The following CNTN6 variants were observed in gnomAD, a reference collection of about 807,000 sequenced individuals.
CNTN6 encodes contactin-6.
A neutral mutation model predicts 122.8 loss-of-function variants in CNTN6; 137 were observed. The ratio of observed to expected loss-of-function variants is 1.12; its 90% CI spans 0.97 to 1.29. The LOEUF (loss-of-function observed/expected upper bound fraction) is 1.29, where lower values mean the gene tolerates loss of function less well. Among genes scored for constraint, CNTN6 ranks in the 50% most tolerant of loss-of-function variants. The pLI is 0.00. For missense variants in CNTN6, 1,634 were observed against 1,223.4 expected, an observed-to-expected ratio of 1.34 and a Z score of -5.01; for synonymous variants, 570 against 426.0, an observed-to-expected ratio of 1.34 and a Z score of -4.16.
chr3:1,246,240 G>A (rs760631597), intron 4 of CNTN6, among the ~76,000 whole-genome samples: 2 of 152,032 alleles, frequency 1.3e-5, no homozygotes, highest in Non-Finnish European at 2.9e-5. Flanking sequence ...GCCATATCTT[G>A]ACTTGTGAAT....
chr3:1,306,377 C>T (rs1285028084), intron 7 of CNTN6, among the ~76,000 whole-genome samples: 2 of 152,112 alleles, frequency 1.3e-5, no homozygotes, highest in Non-Finnish European at 2.9e-5. Flanking sequence ...GTTGACCATG[C>T]TCACAAATCT....
At chr3:1,315,291 G>A (rs191854484) in intron 7 of CNTN6, among the ~76,000 whole-genome samples, 7 of 152,020 alleles carry the variant, frequency 4.6e-5, no homozygotes, top group African/African-American at 1.4e-4. Flanking sequence ...GTATCAACAT[G>A]GACAAACTAC....
At chr3:1,375,241 A>C (rs1490248134) in intron 16 of CNTN6, among the ~76,000 whole-genome samples, 1 of 152,042 alleles carries the variant, frequency 6.6e-6, no homozygotes, top group African/African-American at 2.4e-5. Context: ...ATATTTTGGT[A>C]GCTTTGGACA....
intron 2 of CNTN6, among the ~76,000 whole-genome samples, chr3:1,216,004 A>G (rs2094125568): frequency 6.6e-6 from 1 of 152,114 alleles, no homozygotes; most frequent in Non-Finnish European, 1.5e-5. Context: ...TAGCCAGATT[A>G]TTATTGGAAG....
At chr3:1,260,318 C>T (rs554873802) in intron 4 of CNTN6, among the ~76,000 whole-genome samples, 1 of 152,036 alleles carries the variant, frequency 6.6e-6, no homozygotes, top group Non-Finnish European at 1.5e-5. Context: ...TTCAAAACAT[C>T]CAGAGGCTCC....
intron 5 of CNTN6, among the ~76,000 whole-genome samples, chr3:1,291,992 G>A (rs533417731): frequency 2.7e-4 from 41 of 152,050 alleles, no homozygotes; most frequent in African/African-American, 7.0e-4. Context: ...GAAACCATTC[G>A]TAGAAGCTTA....
At chr3:1,270,877 G>A (rs1402229094) in intron 4 of CNTN6, among the ~76,000 whole-genome samples, 1 of 150,838 alleles carries the variant, frequency 6.6e-6, no homozygotes, top group East Asian at 1.9e-4. Flanking sequence ...CACAATATTT[G>A]TTTCTTTACT....
chr3:1,217,948 C>A (rs1389080950), intron 2 of CNTN6, among the ~76,000 whole-genome samples: 2 of 152,196 alleles, frequency 1.3e-5, no homozygotes, highest in African/African-American at 4.8e-5. Flanking sequence ...GTACTAAGCT[C>A]TTCCTCATCC....
chr3:1,154,344 A>G (rs2092912622), intron 2 of CNTN6, among the ~76,000 whole-genome samples: 1 of 152,172 alleles, frequency 6.6e-6, no homozygotes, highest in African/African-American at 2.4e-5. Context: ...TATGGAAGTA[A>G]TAACACCAGG....
rs1351884518 is a variant in CNTN6 at position 1,382,941 on chromosome 3, G to C, written c.2167-1G>C. The C allele has an allele frequency of 3.1e-6, 5 of 1,610,506 alleles. No individual in the cohort carries two copies. The highest frequency in any genetic ancestry group is 8.5e-7 in the Non-Finnish European group (1 of 1,177,026). On this transcript the variant is annotated splice_acceptor_variant, in intron 17 of 22. Coordinates refer to ENST00000446702, the MANE Select transcript of CNTN6 (RefSeq NM_001289080.2). LOFTEE classifies it high-confidence loss of function. ...CAGTGATTGATCACATTCTGCCCAA[G>C]TCAATTCCAGAAGAACTGCAGAATG...
intron 4 of CNTN6, among the ~76,000 whole-genome samples, chr3:1,251,803 T>C (rs2125669591): frequency 6.6e-6 from 1 of 152,290 alleles, no homozygotes; most frequent in South Asian, 2.1e-4. Context: ...TAAATCATCC[T>C]CACATACCTC....
At chr3:1,362,559 G>A (rs1363934016) in intron 12 of CNTN6, among the ~76,000 whole-genome samples, 3 of 152,048 alleles carry the variant, frequency 2.0e-5, no homozygotes, top group Non-Finnish European at 4.4e-5. Context: ...ATAACAGAAA[G>A]AGGATTAGTA....
intron 2 of CNTN6, among the ~76,000 whole-genome samples, chr3:1,163,155 C>G (rs374652368): frequency 6.6e-6 from 1 of 152,266 alleles, no homozygotes; most frequent in South Asian, 2.1e-4. Flanking sequence ...ATGAGGACAA[C>G]GCAGCTTGTT....
At chr3:1,263,238 A>G (rs2094875809) in intron 4 of CNTN6, among the ~76,000 whole-genome samples, 1 of 152,194 alleles carries the variant, frequency 6.6e-6, no homozygotes, top group Non-Finnish European at 1.5e-5. Flanking sequence ...TATAAATCCA[A>G]GCACTTCATT....
chr3:1,119,135 G>A (rs576102709), intron 1 of CNTN6, among the ~76,000 whole-genome samples: 8 of 151,826 alleles, frequency 5.3e-5, no homozygotes, highest in Admixed American at 2.0e-4. Flanking sequence ...TTCTGTCTTC[G>A]AGACAATTTG....
At chr3:1,246,042 G>A (rs1427452453) in intron 4 of CNTN6, among the ~76,000 whole-genome samples, 1 of 152,086 alleles carries the variant, frequency 6.6e-6, no homozygotes, top group African/African-American at 2.4e-5. Context: ...CTTGTTTTAA[G>A]GTATTAATTT....
chr3:1,248,940 C>G (rs757199189), intron 4 of CNTN6, among the ~76,000 whole-genome samples: 1 of 152,110 alleles, frequency 6.6e-6, no homozygotes, highest in Middle Eastern at 3.2e-3. Flanking sequence ...AATCATTCAA[C>G]TAATGCTTGT....
chr3:1,230,287 G>T (rs574308954), intron 4 of CNTN6, among the ~76,000 whole-genome samples: 1 of 152,070 alleles, frequency 6.6e-6, no homozygotes, highest in Admixed American at 6.5e-5. Flanking sequence ...TCTTAACAAC[G>T]TTAAGCTTCT....
chr3:1,380,820 T>A (rs938709231), intron 17 of CNTN6, among the ~76,000 whole-genome samples: 7 of 152,222 alleles, frequency 4.6e-5, no homozygotes, highest in African/African-American at 1.7e-4. Context: ...TACTAAAGAT[T>A]TGGTTCTTAC....
Sources: allele counts gnomAD v4.1 joint callset (sites outside exome capture counted in the v4.1 genomes callset), GRCh38; gene constraint gnomAD v4.1.1; transcripts MANE v1.5; gene names NCBI Gene and HGNC (gene_info 2026-07-23, HGNC 2026-07-21).